The following COL14A1 variants were observed in gnomAD, a reference collection of about 807,000 sequenced individuals.
The protein encoded by COL14A1 is collagen alpha-1(XIV) chain.
In COL14A1, 136 loss-of-function variants were observed where a neutral mutation model predicts 230.3. The ratio of observed to expected loss-of-function variants is 0.59; its 90% CI spans 0.51 to 0.68. The LOEUF is 0.68. Ranked by LOEUF, COL14A1 falls within the 30% of genes least tolerant of loss-of-function variation. COL14A1 has a pLI of 0.00. For missense variants in COL14A1, 1,976 were observed against 2,215.8 expected, an observed-to-expected ratio of 0.89 and a Z score of 2.17; for synonymous variants, 792 against 784.1, an observed-to-expected ratio of 1.01 and a Z score of -0.17.
At chr8:120,346,252 A>G (rs1170335836) in intron 45 of COL14A1, among the ~76,000 whole-genome samples, 1 of 152,200 alleles carries the variant, frequency 6.6e-6, no homozygotes, top group African/African-American at 2.4e-5. Flanking sequence ...TCTTAGAAGT[A>G]TGGTGTAATA....
chr8:120,221,799 C>T (rs747134629), intron 14 of COL14A1, among the ~76,000 whole-genome samples: 1 of 152,070 alleles, frequency 6.6e-6, no homozygotes, highest in Non-Finnish European at 1.5e-5. Context: ...GGTTTTCCTT[C>T]GGAAAATAGT....
Position 120,310,069 on chromosome 8 carries a change from C to CGCAT in COL14A1, c.4455+9_4455+12dup. 1 of 1,612,584 alleles carries CGCAT rather than the reference C, an allele frequency of 6.2e-7. No individual in the cohort carries two copies. Among genetic ancestry groups the CGCAT allele is most frequent in the Non-Finnish European group, 8.5e-7 (1 of 1,178,904 alleles). On this transcript the variant is annotated splice_region_variant and intron_variant, in intron 37 of 47. Coordinates refer to ENST00000297848, the MANE Select transcript of COL14A1 (RefSeq NM_021110.4). ...AGGTGAACCGGGTCCAAAGGTAATGCGCATGTTTTCTCTCTCTCTCTGTCT... is the reference window on the plus strand; with the variant it reads ...AGGTGAACCGGGTCCAAAGGTAATGCGCATGCATGTTTTCTCTCTCTCTCTGTCT...
chr8:120,356,275 T>C (rs1297687358), intron 45 of COL14A1, among the ~76,000 whole-genome samples: 1 of 152,220 alleles, frequency 6.6e-6, no homozygotes, highest in Non-Finnish European at 1.5e-5. Context: ...ATTAGTTCCA[T>C]GTTAGGTGAG....
In COL14A1 at chr8:120,269,945, A is replaced by T. The variant is rs575171413; in HGVS notation, c.3074-90A>T. ...TTTCCTTTGAAAAAGAGCTTCACTT[A>T]GCAGAGGGCAACCATTATTTGTCTT... On this transcript the variant is annotated intron_variant, in intron 25 of 47. Coordinates refer to ENST00000297848, the MANE Select transcript of COL14A1 (RefSeq NM_021110.4). 2.2e-6 allele frequency: 3 copies of T among 1,378,194 alleles called. No individual in the cohort carries two copies. In the Admixed American group the frequency reaches 5.9e-5, roughly 27 times the overall value. 85.4% of individuals were successfully genotyped at this position (1,378,194 alleles called of 1,614,324 possible). A position where few individuals can be genotyped will look rare whatever the true frequency, so the allele number is the denominator to read the frequency against.
At chr8:120,166,919 T>TGTGTGTGTGTGTGTGTG (rs1554600757) in intron 4 of COL14A1, among the ~76,000 whole-genome samples, 1 of 143,860 alleles carries the variant, frequency 7.0e-6, no homozygotes, top group African/African-American at 2.7e-5. Context: ...TGTGTGTGTG[T>TGTGTGTGTGTGTGTGTG]GTGGTGGTGA....
At chr8:120,265,805 AAATT>A (rs1819486026) in intron 24 of COL14A1, among the ~76,000 whole-genome samples, 1 of 151,980 alleles carries the variant, frequency 6.6e-6, no homozygotes, top group African/African-American at 2.4e-5. Flanking sequence ...CCTTTTATTT[AAATT>A]ATTTTATTTT....
chr8:120,178,721 C>T (rs946019316), intron 5 of COL14A1, among the ~76,000 whole-genome samples: 6 of 152,216 alleles, frequency 3.9e-5, no homozygotes, highest in African/African-American at 1.2e-4. Context: ...TATTTCTCCA[C>T]ATCCTCTCTA....
chr8:120,287,693 T>A, intron 33 of COL14A1, among the ~76,000 whole-genome samples: 1 of 152,062 alleles, frequency 6.6e-6, no homozygotes, highest in East Asian at 1.9e-4. Context: ...CTACTTTAAG[T>A]GTTAATAAAG....
chr8:120,178,798 T>A (rs1019657940), intron 5 of COL14A1, among the ~76,000 whole-genome samples: 1 of 152,238 alleles, frequency 6.6e-6, no homozygotes, highest in African/African-American at 2.4e-5. Context: ...TATCTCATTG[T>A]GGTTTTGATT....
At chr8:120,139,906 T>C (rs1814842991) in intron 1 of COL14A1, among the ~76,000 whole-genome samples, 1 of 152,058 alleles carries the variant, frequency 6.6e-6, no homozygotes, top group African/African-American at 2.4e-5. Context: ...CATGGGACTG[T>C]AGTCCCAGCT....
At chr8:120,180,740 G>A (rs1816437477) in intron 5 of COL14A1, among the ~76,000 whole-genome samples, 1 of 130,678 alleles carries the variant, frequency 7.7e-6, no homozygotes, top group Non-Finnish European at 1.5e-5. Flanking sequence ...CGGAGTCTCG[G>A]TCTGTTTCCC....
rs1221991456 is a variant in COL14A1, at chr8:120,315,972, G to A, written c.4634G>A (p.Gly1545Glu). 1 of 1,613,924 alleles carries A rather than the reference G, an allele frequency of 6.2e-7. No homozygotes were observed. Among genetic ancestry groups the A allele is most frequent in the African/African-American group, 1.3e-5 (1 of 74,936 alleles). The change falls in exon 40 of 48, where the codon GGA becomes GAA. Residue 1545 changes from glycine to glutamate, a missense_variant. Around this residue, in one of 3 missense-constraint regions of COL14A1, gnomAD observed 1,791 missense variants for 2,019.5 expected, o/e 0.89. Transcript: ENST00000297848. Reference sequence around the variant, plus strand: ...ATCCCAGGAGGCGTTGGTTCACCAGGACGTGATGGCTCACCAGGCCAGAGG... The same window carrying A: ...ATCCCAGGAGGCGTTGGTTCACCAGAACGTGATGGCTCACCAGGCCAGAGG... ...QGIPGGVGSP[G>E]RDGSPGQRGL...
At chr8:120,266,732 C>T in intron 24 of COL14A1, 95 bp from the exon 25 acceptor site, 5 of 1,005,586 alleles carry the variant, frequency 5.0e-6, no homozygotes, top group Non-Finnish European at 7.6e-6. Context: ...TTGTCAAAAT[C>T]ATTGACTACC....
chr8:120,198,991 C>T (rs72675793), intron 7 of COL14A1, among the ~76,000 whole-genome samples: 34,375 of 152,024 alleles, frequency 0.23, 4,265 homozygotes, highest in East Asian at 0.46. Context: ...CCTTCTACTC[C>T]TAAAAAACAA....
At chr8:120,221,402 T>A (rs990140300) in intron 14 of COL14A1, among the ~76,000 whole-genome samples, 4 of 152,200 alleles carry the variant, frequency 2.6e-5, no homozygotes, top group African/African-American at 9.7e-5. Flanking sequence ...GACTAATCGT[T>A]TAAAACATGA....
chr8:120,127,290 G>A (rs527475478), intron 1 of COL14A1, among the ~76,000 whole-genome samples: 1 of 152,240 alleles, frequency 6.6e-6, no homozygotes, highest in East Asian at 1.9e-4. Context: ...TCTCCCTGGG[G>A]ATCCCTGAGC....
chr8:120,145,148 GA>G (rs1815044352), intron 1 of COL14A1, among the ~76,000 whole-genome samples: 1 of 152,176 alleles, frequency 6.6e-6, no homozygotes, highest in South Asian at 2.1e-4. Context: ...TACTGGTTAT[GA>G]AAAATCTGAT....
chr8:120,265,529 C>T (rs890457029), intron 24 of COL14A1, among the ~76,000 whole-genome samples: 5 of 151,548 alleles, frequency 3.3e-5, no homozygotes, highest in Admixed American at 2.6e-4. Flanking sequence ...TTGTCAACCT[C>T]CCTCTTTCCT....
chr8:120,331,284 C>T (rs929902968), intron 40 of COL14A1, among the ~76,000 whole-genome samples: 4 of 151,920 alleles, frequency 2.6e-5, no homozygotes, highest in Non-Finnish European at 4.4e-5. Context: ...ACACCAATTC[C>T]GTGGTGAAAA....
Sources: gnomAD v4.1 joint callset for allele counts (sites outside exome capture counted in the v4.1 genomes callset) on GRCh38, gnomAD v4.1.1 for gene constraint, gnomAD v4.1.1 regional missense constraint, MANE v1.5 for transcripts, NCBI Gene and HGNC (gene_info 2026-07-23, HGNC 2026-07-21) for gene names.